NEGR1: variants seen among roughly 807,000 people sequenced by gnomAD.
NEGR1 encodes the protein neuronal growth regulator 1.
Under a neutral mutation model 40.9 loss-of-function variants are expected in NEGR1, and 10 were observed. The observed-to-expected ratio is 0.24, with a 90% CI of 0.15 to 0.42. The LOEUF (loss-of-function observed/expected upper bound fraction) is 0.42. Ranked by LOEUF, NEGR1 falls within the 10% of genes least tolerant of loss-of-function variation. The pLI is 1.00. For missense variants in NEGR1, 352 were observed against 438.9 expected, an observed-to-expected ratio of 0.80 and a Z score of 1.77; for synonymous variants, 185 against 166.8, an observed-to-expected ratio of 1.11 and a Z score of -0.84.
chr1:71,904,325 C>T (rs1661220332), intron 2 of NEGR1, among the ~76,000 whole-genome samples: 1 of 151,786 alleles, frequency 6.6e-6, no homozygotes, highest in African/African-American at 2.4e-5. Context: ...TATTATGTGC[C>T]AATTCCGCAC....
intron 6 of NEGR1, among the ~76,000 whole-genome samples, chr1:71,560,449 G>GTATATATATATATATA (rs1557567048): frequency 8.6e-6 from 1 of 116,760 alleles, no homozygotes; most frequent in Non-Finnish European, 1.8e-5. Flanking sequence ...ATATATATAT[G>GTATATATATATATATA]TATATATATA....
chr1:71,698,837 T>C (rs1453586223), intron 3 of NEGR1, among the ~76,000 whole-genome samples: 2 of 151,760 alleles, frequency 1.3e-5, no homozygotes, highest in Admixed American at 1.3e-4. Flanking sequence ...AGAATAGAAA[T>C]ATAAAGATGT....
chr1:72,039,374 A>C (rs971714104), intron 1 of NEGR1, among the ~76,000 whole-genome samples: 1 of 152,098 alleles, frequency 6.6e-6, no homozygotes, highest in Admixed American at 6.6e-5. Flanking sequence ...GTAGGTGTGG[A>C]GATGCCACTA....
intron 1 of NEGR1, among the ~76,000 whole-genome samples, chr1:72,199,142 T>TAGAG (rs1268615373): frequency 1.1e-4 from 16 of 143,168 alleles, no homozygotes; most frequent in African/African-American, 3.7e-4. Flanking sequence ...TCTATCTAGA[T>TAGAG]AGACAGACAG....
At chr1:72,281,679 T>A (rs559797669) in intron 1 of NEGR1, among the ~76,000 whole-genome samples, 2 of 147,994 alleles carry the variant, frequency 1.4e-5, no homozygotes, top group South Asian at 2.1e-4. Context: ...GTCGTGGAGA[T>A]AAAAATGAGA....
At chr1:71,548,798 T>C (rs1231324576) in intron 6 of NEGR1, among the ~76,000 whole-genome samples, 3 of 151,734 alleles carry the variant, frequency 2.0e-5, no homozygotes, top group Non-Finnish European at 4.4e-5. Context: ...TCCCTTGATT[T>C]TATGTTTGAG....
At chr1:72,008,928 T>C (rs1372460370) in intron 1 of NEGR1, among the ~76,000 whole-genome samples, 1 of 151,766 alleles carries the variant, frequency 6.6e-6, no homozygotes, top group African/African-American at 2.4e-5. Flanking sequence ...AAAGCTTCCA[T>C]TAAAATCTGG....
intron 1 of NEGR1, among the ~76,000 whole-genome samples, chr1:71,940,390 C>T (rs765114282): frequency 6.6e-6 from 1 of 152,136 alleles, no homozygotes; most frequent in South Asian, 2.1e-4. Context: ...TCAGCATATG[C>T]TCTGTTGACA....
intron 2 of NEGR1, among the ~76,000 whole-genome samples, chr1:71,919,893 T>C (rs1380211343): frequency 1.3e-5 from 2 of 152,212 alleles, no homozygotes; most frequent in Non-Finnish European, 2.9e-5. Context: ...TGGATAACTT[T>C]GAACTTTCCA....
intron 1 of NEGR1, among the ~76,000 whole-genome samples, chr1:72,065,736 A>G (rs777010637): frequency 2.6e-5 from 4 of 152,162 alleles, no homozygotes; most frequent in Non-Finnish European, 5.9e-5. Context: ...ACCTAAAAAT[A>G]GCAAGGGTAA....
intron 4 of NEGR1, among the ~76,000 whole-genome samples, chr1:71,676,770 G>C (rs1652654958): frequency 6.6e-6 from 1 of 152,168 alleles, no homozygotes; most frequent in African/African-American, 2.4e-5. Context: ...CCCCTTTATA[G>C]ATCATGGATG....
intron 1 of NEGR1, among the ~76,000 whole-genome samples, chr1:72,160,865 T>C: frequency 6.6e-6 from 1 of 152,192 alleles, no homozygotes; most frequent in East Asian, 1.9e-4. Flanking sequence ...ATTTGGATTT[T>C]AATTTTTGTT....
intron 1 of NEGR1, among the ~76,000 whole-genome samples, chr1:72,020,873 C>A (rs2100419809): frequency 6.6e-6 from 1 of 152,198 alleles, no homozygotes; most frequent in African/African-American, 2.4e-5. Context: ...GTCAACACAA[C>A]ACTTTTGGTA....
intron 2 of NEGR1, among the ~76,000 whole-genome samples, chr1:71,803,514 TA>T (rs1657637910): frequency 6.6e-6 from 1 of 152,216 alleles, no homozygotes; most frequent in South Asian, 2.1e-4. Flanking sequence ...AATCTATTAC[TA>T]TTTTTCTACC....
chr1:71,568,660 A>G (rs1028718801), intron 6 of NEGR1, among the ~76,000 whole-genome samples: 1 of 152,130 alleles, frequency 6.6e-6, no homozygotes, highest in Non-Finnish European at 1.5e-5. Flanking sequence ...ATACACATAT[A>G]TACATCTATA....
intron 1 of NEGR1, among the ~76,000 whole-genome samples, chr1:71,944,215 C>A (rs760162480): frequency 2.6e-5 from 4 of 152,144 alleles, no homozygotes; most frequent in Non-Finnish European, 2.9e-5. Flanking sequence ...CAGCTGCTTC[C>A]TGGAGAAGTT....
chr1:72,035,800 T>C (rs1646896904), intron 1 of NEGR1, among the ~76,000 whole-genome samples: 2 of 152,194 alleles, frequency 1.3e-5, no homozygotes, highest in African/African-American at 4.8e-5. Context: ...AGTTTAGGTC[T>C]TTTTACAGCC....
At chr1:71,987,075 T>A (rs1646401619) in intron 1 of NEGR1, among the ~76,000 whole-genome samples, 1 of 151,972 alleles carries the variant, frequency 6.6e-6, no homozygotes, top group African/African-American at 2.4e-5. Flanking sequence ...AGAAACTTTT[T>A]TTTTCTGTCT....
intron 1 of NEGR1, among the ~76,000 whole-genome samples, chr1:72,248,506 T>A: frequency 6.7e-6 from 1 of 148,990 alleles, no homozygotes; most frequent in East Asian, 2.0e-4. Context: ...GATCCACCCA[T>A]CTCAGCCTCT....
Sources: gnomAD v4.1 joint callset for allele counts (sites outside exome capture counted in the v4.1 genomes callset) on GRCh38, gnomAD v4.1.1 for gene constraint, MANE v1.5 for transcripts, NCBI Gene and HGNC (gene_info 2026-07-23, HGNC 2026-07-21) for gene names.